Variants in HERC2 observed in about 807,000 individuals in gnomAD.
HERC2 encodes the protein E3 ubiquitin-protein ligase HERC2.
HERC2 carries 102 observed loss-of-function variants against 537.7 expected under a neutral mutation model. The ratio of observed to expected loss-of-function variants is 0.19; its 90% CI spans 0.16 to 0.22. The LOEUF (loss-of-function observed/expected upper bound fraction) is 0.22. Among genes scored for constraint, HERC2 ranks in the 10% least tolerant of loss-of-function variants. HERC2 has a pLI of 1.00. For synonymous variants in HERC2, 2,224 were observed against 2,466.2 expected (o/e 0.90, Z 2.91); for missense variants, 4,236 against 6,198.2 (o/e 0.68, Z 10.63).
chr15:28,143,054 C>A, intron 74 of HERC2, 102 bp from the exon 75 acceptor site: 6 of 1,021,338 alleles, frequency 5.9e-6, no homozygotes, highest in South Asian at 2.3e-5. Flanking sequence ...GGTACTAACT[C>A]TTCTAAAAAA....
Position 28,249,349 on chromosome 15 carries a change from C to T in HERC2, c.3051-613G>A, listed in dbSNP as rs148791571. ...GACCAAAGCAGGTGCCCAAAGAGCA[C>T]GGCAGCGAAGAAAGTAGAAGAGGCT... is the stretch of plus-strand genomic sequence containing the variant. On this transcript the variant is annotated intron_variant, in intron 20 of 92. Transcript: ENST00000261609. Among the ~76,000 whole-genome samples the T allele has an allele frequency of 9.4e-3, 1,436 of 152,230 alleles. 21 individuals are homozygous for T. Among genetic ancestry groups the T allele is most frequent in the African/African-American group, 0.027 (1,125 of 41,542 alleles).
chr15:28,241,769 G>A (rs555116066), intron 23 of HERC2, among the ~76,000 whole-genome samples: 4 of 151,548 alleles, frequency 2.6e-5, no homozygotes, highest in East Asian at 2.0e-4. Context: ...GCAGTGAGCC[G>A]AGATCACACC....
chr15:28,169,838 T>G (rs772557771), intron 65 of HERC2, among the ~76,000 whole-genome samples, 183 bp from the exon 66 acceptor site: 7 of 152,224 alleles, frequency 4.6e-5, no homozygotes, highest in Middle Eastern at 3.2e-3. Flanking sequence ...CATACTTCGA[T>G]AAAGAAGCTA....
chr15:28,132,535 A>G, intron 80 of HERC2, 118 bp downstream of exon 80: 1 of 1,047,430 alleles, frequency 9.5e-7, no homozygotes. Flanking sequence ...ACCCAAAAAT[A>G]CAGTGGGCCT....
At position 28,265,184 on chromosome 15, in the gene HERC2, A is replaced by G. The variant is rs564564555; in HGVS notation, c.1870+434T>C. Among the ~76,000 whole-genome samples the G allele has an allele frequency of 5.0e-4, 76 of 152,298 alleles. No homozygotes were observed. In the East Asian group the frequency reaches 0.01, roughly 21 times the overall value. On this transcript the variant is annotated intron_variant, in intron 14 of 92. Transcript: ENST00000261609. The surrounding 1 kb of genome is among the most constrained non-coding windows in gnomAD (Gnocchi z 4.0). ...TCAAACCTCATCAGGTACCCTTGAA[A>G]AAAGGATGATCTCACTTAGGAACAC...
rs143635277 is a variant in HERC2, at chr15:28,123,586, G to A, written c.13188+451C>T. Among the ~76,000 whole-genome samples the A allele has an allele frequency of 3.8e-4, 58 of 152,258 alleles. No homozygotes were observed. The East Asian group carries it at 7.9e-3, about 21-fold the overall frequency. ...TGGCCAGCAATCTCTACACATTCAG[G>A]CACGGACCTTCGAGGTGATATATCT... On this transcript the variant is annotated intron_variant, in intron 85 of 92. Transcript: ENST00000261609.
At chr15:28,196,687 C>T (rs1897373815) in intron 50 of HERC2, 118 bp from the exon 51 acceptor site, 1 of 626,970 alleles carries the variant, frequency 1.6e-6, no homozygotes, top group Admixed American at 3.2e-5. Flanking sequence ...TACAAAGAGT[C>T]TACCTTTTAG....
intron 2 of HERC2, among the ~76,000 whole-genome samples, chr15:28,320,969 AG>A (rs2077213619): frequency 6.6e-6 from 1 of 151,868 alleles, no homozygotes; most frequent in Non-Finnish European, 1.5e-5. Context: ...GAGTTTCTAT[AG>A]GCCATAATTA....
chr15:28,193,340 A>G (rs1566993262), intron 52 of HERC2, among the ~76,000 whole-genome samples: 1 of 152,244 alleles, frequency 6.6e-6, no homozygotes, highest in Non-Finnish European at 1.5e-5. Flanking sequence ...GATAAATTGA[A>G]TAATTAAAAT....
intron 14 of HERC2, 75 bp from the exon 15 acceptor site, chr15:28,263,244 A>C: frequency 6.6e-7 from 1 of 1,512,142 alleles, no homozygotes; most frequent in Non-Finnish European, 9.0e-7. Flanking sequence ...TGCAAATAAT[A>C]TAATGAAAAA....
rs1180253663 is a variant in HERC2, at chr15:28,168,555, A to G, written c.10265T>C (p.Met3422Thr). The G allele has an allele frequency of 1.2e-6, 2 of 1,614,142 alleles. No individual in the cohort carries two copies. Among genetic ancestry groups the G allele is most frequent in the Non-Finnish European group, 1.7e-6 (2 of 1,180,002 alleles). Residue 3422 changes from methionine to threonine, a missense_variant, in exon 67 of 93, where the codon ATG becomes ACG. Coordinates refer to ENST00000261609, the MANE Select transcript of HERC2 (RefSeq NM_004667.6). ...CGAGGGGCACTCCACCGGGGCGATC[A>G]TGGCGGCCGGCATCAGGGCCCCGAC... ...AVVGALMPAAMIAPVECPSFS... is the reference protein window; with the variant it reads ...AVVGALMPAATIAPVECPSFS...
intron 78 of HERC2, among the ~76,000 whole-genome samples, chr15:28,139,753 G>A (rs1196746107): frequency 6.6e-6 from 1 of 152,004 alleles, no homozygotes; most frequent in Non-Finnish European, 1.5e-5. Flanking sequence ...AATCCAACTG[G>A]CTATACTAAT....
chr15:28,245,973 C>T lies in HERC2; in HGVS notation c.3485G>A (p.Gly1162Asp), dbSNP rs1462752844. 1 of 1,614,058 alleles carries T rather than the reference C, an allele frequency of 6.2e-7. No homozygotes were observed. The highest frequency in any genetic ancestry group is 1.3e-5 in the African/African-American group (1 of 75,024). Residue 1162 changes from glycine (G) to aspartate (D), a missense_variant, in exon 23 of 93, where the codon GGT becomes GAT. Physicochemically the swap from Gly to Asp is moderately conservative, Grantham distance 94. Around this residue, in one of 27 missense-constraint regions of HERC2, gnomAD observed 754 missense variants for 1,085.0 expected, o/e 0.69. Transcript: ENST00000261609. ...CCGATCCAGATGTTCCAACAGGCCACCCAGCAGAGGTACAGCTCCAGCCTC... is the reference window on the plus strand; with the variant it reads ...CCGATCCAGATGTTCCAACAGGCCATCCAGCAGAGGTACAGCTCCAGCCTC... ...MQEAGAVPLL[G>D]GLLEHLDRFN... is the part of the protein sequence containing the mutation.
chr15:28,206,501 T>C (rs1898458187), intron 44 of HERC2, 119 bp from the exon 45 acceptor site: 1 of 559,884 alleles, frequency 1.8e-6, no homozygotes, highest in Non-Finnish European at 3.2e-6. Context: ...CATTATGTGA[T>C]AGAAAACCAA....
At chr15:28,240,996 T>C (rs1315454736) in intron 23 of HERC2, among the ~76,000 whole-genome samples, 1 of 152,162 alleles carries the variant, frequency 6.6e-6, no homozygotes, top group African/African-American at 2.4e-5. Context: ...TGACGTGTCT[T>C]GAATAGGACA....
intron 4 of HERC2, among the ~76,000 whole-genome samples, chr15:28,290,700 C>T (rs1458436618): frequency 6.6e-6 from 1 of 151,982 alleles, no homozygotes; most frequent in Non-Finnish European, 1.5e-5. Flanking sequence ...ATAACAATTT[C>T]CAAATAATAA....
At chr15:28,284,105 G>A (rs1225815010) in intron 4 of HERC2, among the ~76,000 whole-genome samples, 1 of 152,080 alleles carries the variant, frequency 6.6e-6, no homozygotes, top group Admixed American at 6.6e-5. Context: ...CTTATGAATG[G>A]AATTTTCAAT....
chr15:28,116,687 G>A lies in HERC2; in HGVS notation c.13587C>T (p.His4529=), dbSNP rs755582126. The change falls in exon 88 of 93, where the codon CAC becomes CAT. Residue 4529 remains histidine, a synonymous_variant. Transcript: ENST00000261609. ...LLSPAARAPV[H]SSMFRFLGVL... ...CACCCAGGAAGCGGAACATGCTGCT[G>A]TGCACGGGTGCTCTGGCGGCCGGGC... 8 of 1,613,020 alleles carry A rather than the reference G, an allele frequency of 5.0e-6. No individual in the cohort carries two copies. Among genetic ancestry groups the A allele is most frequent in the Non-Finnish European group, 6.8e-6 (8 of 1,179,648 alleles).
At chr15:28,207,463 G>A (rs569532088) in intron 44 of HERC2, among the ~76,000 whole-genome samples, 11 of 152,248 alleles carry the variant, frequency 7.2e-5, no homozygotes, top group African/African-American at 2.4e-4. Flanking sequence ...GTTCACTCAC[G>A]GCTTCAGTAA....
Sources: allele counts gnomAD v4.1 joint callset (sites outside exome capture counted in the v4.1 genomes callset), GRCh38; gene constraint gnomAD v4.1.1; regional missense constraint gnomAD v4.1.1; non-coding constraint Gnocchi (gnomAD v3.1); transcripts MANE v1.5; gene names NCBI Gene and HGNC (gene_info 2026-07-23, HGNC 2026-07-21).